P2RY8: variants seen among roughly 807,000 people sequenced by gnomAD.
P2RY8 encodes the protein P2Y receptor family member 8.
A neutral mutation model predicts 10.0 loss-of-function variants in P2RY8; 6 were observed. That is an observed-to-expected ratio of 0.60 (90% confidence interval 0.33 to 1.19). P2RY8 has a LOEUF of 1.19. Among genes scored for constraint, P2RY8 ranks in the 50% most tolerant of loss-of-function variants. The probability of loss-of-function intolerance (pLI) is 0.04; values close to 1 mark genes in which losing one functional copy is unlikely to be tolerated. For synonymous variants in P2RY8, 276 were observed against 252.5 expected (o/e 1.09, Z -0.88); for missense variants, 456 against 542.0 (o/e 0.84, Z 1.58).
chrX:1,530,153 GTATGATCTATCTATCTATCTATCTATC>G (rs1174824040), intron 1 of P2RY8, among the ~76,000 whole-genome samples: 20 of 39,544 alleles, frequency 5.1e-4, no homozygotes, highest in African/African-American at 1.5e-3. Flanking sequence ...ATGTATGTAT[GTATGATCTATCTATCTATCTATCTATC>G]TATCTATCTA....
rs2092431754 is a variant in P2RY8 at position 1,525,172 on chromosome X, GT to G, written c.-25+11748del. Among the ~76,000 whole-genome samples, 3 of 152,254 alleles carry G rather than the reference GT, an allele frequency of 2.0e-5. No individual in the cohort carries two copies. In the South Asian group the frequency reaches 6.2e-4, roughly 31 times the overall value. On this transcript the variant is annotated intron_variant, in intron 1 of 1. Transcript: ENST00000381297. Reference sequence around the variant, plus strand: ...CTCTGATTAGGCCAAGGAGCTCAGTGTTTTGTGAAGAATTTGTTTGGAGAGT... The same window carrying G: ...CTCTGATTAGGCCAAGGAGCTCAGTGTTTGTGAAGAATTTGTTTGGAGAGT...
chrX:1,524,449 C>CCA (rs2092417190), intron 1 of P2RY8, among the ~76,000 whole-genome samples: 1 of 78,410 alleles, frequency 1.3e-5, no homozygotes. Flanking sequence ...ATTCATCCAT[C>CCA]TATCCATCCA....
intron 1 of P2RY8, among the ~76,000 whole-genome samples, chrX:1,471,308 C>CTTTTTTTTTTTTTT (rs1569536548): frequency 9.8e-5 from 7 of 71,118 alleles, no homozygotes; most frequent in African/African-American, 1.6e-4. Flanking sequence ...GCGCCCAGCC[C>CTTTTTTTTTTTTTT]ATTTTTTTTT....
intron 1 of P2RY8, among the ~76,000 whole-genome samples, chrX:1,515,131 G>T (rs773100532): frequency 6.7e-6 from 1 of 149,978 alleles, no homozygotes; most frequent in Non-Finnish European, 1.5e-5. Context: ...GGCTGGTCTC[G>T]AACTCCTAAC....
intron 1 of P2RY8, among the ~76,000 whole-genome samples, chrX:1,536,562 A>T (rs760677294): frequency 2.0e-4 from 30 of 151,324 alleles, no homozygotes; most frequent in African/African-American, 7.0e-4. Flanking sequence ...ACGCCTGGCT[A>T]ATTTTTGTAT....
At chrX:1,512,836 AATTATTATTATTATT>A (rs367543446) in intron 1 of P2RY8, among the ~76,000 whole-genome samples, 4 of 150,586 alleles carry the variant, frequency 2.7e-5, no homozygotes, top group Non-Finnish European at 4.4e-5. Context: ...CACATGTGGA[AATTATTATTATTATT>A]ATTATTATTA....
chrX:1,515,521 G>A (rs1189713391), intron 1 of P2RY8, among the ~76,000 whole-genome samples: 2 of 150,926 alleles, frequency 1.3e-5, no homozygotes, highest in Admixed American at 6.6e-5. Context: ...ACAGGTGCCC[G>A]CCATCACACC....
intron 1 of P2RY8, among the ~76,000 whole-genome samples, chrX:1,501,840 G>A (rs2092183432): frequency 6.6e-6 from 1 of 152,086 alleles, no homozygotes; most frequent in Non-Finnish European, 1.5e-5. Flanking sequence ...TGATCTGCCT[G>A]TCTCGGCCTC....
Position 1,465,977 on chromosome X carries a change from G to A in P2RY8, c.582C>T (p.Leu194=). Residue 194 remains leucine, a synonymous_variant, in exon 2 of 2, where the codon CTC becomes CTT. Coordinates refer to ENST00000381297, the MANE Select transcript of P2RY8 (RefSeq NM_178129.5). ...LPSVAMWAVF[L]FTIFILLFLI... ...GGAACAGCAGGATGAAGATGGTGAA[G>A]AGGAACACGGCCCACATGGCCACGC... is the stretch of plus-strand genomic sequence containing the variant. The A allele has an allele frequency of 6.2e-6, 10 of 1,612,434 alleles. No individual in the cohort carries two copies. The highest frequency in any genetic ancestry group is 8.5e-6 in the Non-Finnish European group (10 of 1,179,812).
chrX:1,512,492 G>A lies in P2RY8; in HGVS notation c.-25+24429C>T, dbSNP rs113279792. 4.7e-3 allele frequency among the ~76,000 whole-genome samples: 697 copies of A among 147,464 alleles called. 1 individual carries two copies. Among genetic ancestry groups the A allele is most frequent in the African/African-American group, 0.011 (423 of 39,936 alleles). ...AACCTGGGAGGTGGAGGTTGCAGTGGGCTGAGATCATGCCATTGCACTCCA... is the reference window on the plus strand; with the variant it reads ...AACCTGGGAGGTGGAGGTTGCAGTGAGCTGAGATCATGCCATTGCACTCCA... On this transcript the variant is annotated intron_variant, in intron 1 of 1. Coordinates refer to ENST00000381297, the MANE Select transcript of P2RY8 (RefSeq NM_178129.5).
chrX:1,488,662 G>T (rs2092009568), intron 1 of P2RY8, among the ~76,000 whole-genome samples: 1 of 152,002 alleles, frequency 6.6e-6, no homozygotes, highest in Non-Finnish European at 1.5e-5. Flanking sequence ...CCAGGTACCT[G>T]CTGCAAACTC....
intron 1 of P2RY8, among the ~76,000 whole-genome samples, chrX:1,496,421 C>G (rs2092117239): frequency 6.6e-6 from 1 of 152,180 alleles, no homozygotes; most frequent in Admixed American, 6.5e-5. Context: ...CAGCCACAGC[C>G]CTCCCGGGTG....
intron 1 of P2RY8, among the ~76,000 whole-genome samples, chrX:1,518,273 A>G (rs1216085050): frequency 1.3e-5 from 2 of 150,348 alleles, no homozygotes; most frequent in Non-Finnish European, 3.0e-5. Context: ...TAAAAATACA[A>G]AAATTAGCCA....
intron 1 of P2RY8, among the ~76,000 whole-genome samples, chrX:1,467,506 G>C (rs1218034570): frequency 1.3e-5 from 2 of 152,226 alleles, no homozygotes; most frequent in Non-Finnish European, 2.9e-5. Flanking sequence ...AGGAAAAGCA[G>C]ACCCTTCCTT....
intron 1 of P2RY8, among the ~76,000 whole-genome samples, chrX:1,507,167 C>G (rs776707412): frequency 3.3e-5 from 5 of 152,084 alleles, no homozygotes; most frequent in Non-Finnish European, 7.4e-5. Context: ...AAAAGCCTCC[C>G]GAAGCCCTTG....
At chrX:1,509,773 C>A (rs192199938) in intron 1 of P2RY8, among the ~76,000 whole-genome samples, 1 of 111,992 alleles carries the variant, frequency 8.9e-6, no homozygotes, top group Non-Finnish European at 1.9e-5. Flanking sequence ...ATCTATCTAT[C>A]TATCTATCAT....
At chrX:1,473,342 A>G (rs1369896060) in intron 1 of P2RY8, among the ~76,000 whole-genome samples, 3 of 115,316 alleles carry the variant, frequency 2.6e-5, no homozygotes, top group Non-Finnish European at 3.4e-5. Flanking sequence ...GCATGGGTGG[A>G]TGAATGGTGG....
At position 1,529,054 on chromosome X, in the gene P2RY8, T is replaced by A. The variant is rs1422347879; in HGVS notation, c.-25+7867A>T. On this transcript the variant is annotated intron_variant, in intron 1 of 1. Coordinates refer to ENST00000381297, the MANE Select transcript of P2RY8 (RefSeq NM_178129.5). ...AAAATGTCACATGTGGAAGCCAGCA[T>A]TTAGTCCTCGGGCAGATAAGCATGT... Among the ~76,000 whole-genome samples the A allele has an allele frequency of 2.6e-5, 4 of 152,148 alleles. No homozygotes were observed. The East Asian group carries it at 7.7e-4, about 29-fold the overall frequency.
Position 1,466,568 on chromosome X carries a change from G to GT in P2RY8, c.-11dup. On this transcript the variant is annotated 5_prime_UTR_variant, in exon 2 of 2. Transcript: ENST00000381297. ...TGTTCGGGACCTGCATCCTGGAGGG[G>GT]TCCTCGCCCGGGCTCTGCAAGGGAA... is the stretch of plus-strand genomic sequence containing the variant. 6.3e-7 allele frequency: 1 copy of GT among 1,599,030 alleles called. No homozygotes were observed. The highest frequency in any genetic ancestry group is 8.5e-7 in the Non-Finnish European group (1 of 1,175,672).
Sources: allele counts gnomAD v4.1 joint callset (sites outside exome capture counted in the v4.1 genomes callset), GRCh38; gene constraint gnomAD v4.1.1; transcripts MANE v1.5; gene names NCBI Gene and HGNC (gene_info 2026-07-23, HGNC 2026-07-21).